CRKL: variants seen among roughly 807,000 people sequenced by gnomAD.
CRKL encodes CRK like proto-oncogene, adaptor protein, also known as crk-like protein.
In CRKL, 3 loss-of-function variants were observed where a neutral mutation model predicts 23.0. That is an observed-to-expected ratio of 0.13 (90% CI 0.06 to 0.34). The LOEUF is 0.34. Among genes scored for constraint, CRKL ranks in the 10% least tolerant of loss-of-function variants. The pLI, the probability that CRKL is intolerant of heterozygous loss-of-function variation, is 1.00. For synonymous variants in CRKL, 188 were observed against 160.7 expected, an observed-to-expected ratio of 1.17 and a Z score of -1.28; for missense variants, 256 against 394.5, an observed-to-expected ratio of 0.65 and a Z score of 2.97.
intron 1 of CRKL, among the ~76,000 whole-genome samples, chr22:20,929,579 T>C (rs1489183494): frequency 6.6e-6 from 1 of 152,188 alleles, no homozygotes; most frequent in Non-Finnish European, 1.5e-5. Flanking sequence ...TTCTCTTGCC[T>C]CAGCCTCCCA....
intron 2 of CRKL, among the ~76,000 whole-genome samples, chr22:20,938,747 A>G (rs959428121): frequency 1.6e-4 from 25 of 152,172 alleles, no homozygotes; most frequent in Non-Finnish European, 8.8e-5. Context: ...AGAAATAGCA[A>G]CTTTAGAATT....
chr22:20,947,808 C>T (rs906371595), intron 2 of CRKL, among the ~76,000 whole-genome samples: 2 of 149,942 alleles, frequency 1.3e-5, no homozygotes, highest in Admixed American at 1.3e-4. Flanking sequence ...GCACCTCATT[C>T]TCCCAAGTAG....
At chr22:20,927,047 G>A (rs1921229748) in intron 1 of CRKL, among the ~76,000 whole-genome samples, 1 of 127,116 alleles carries the variant, frequency 7.9e-6, no homozygotes, top group African/African-American at 3.0e-5. Flanking sequence ...GGGAGGCAGA[G>A]ATTGCAGTGA....
rs2147904957 is a variant in CRKL at position 20,933,934 on chromosome 22, C to G, written c.467C>G (p.Pro156Arg). 6.2e-7 allele frequency: 1 copy of G among 1,614,130 alleles called. No homozygotes were observed. Among genetic ancestry groups the G allele is most frequent in the Non-Finnish European group, 8.5e-7 (1 of 1,180,028 alleles). The change falls in exon 2 of 3, where the codon CCT becomes CGT. Residue 156 changes from proline to arginine, a missense_variant. Transcript: ENST00000354336. ...GAGATCCTAGTGATAATAGAGAAGCCTGAAGAACAGTGGTGGAGTGCCCGG... is the reference window on the plus strand; with the variant it reads ...GAGATCCTAGTGATAATAGAGAAGCGTGAAGAACAGTGGTGGAGTGCCCGG... The part of the protein sequence containing the change: ...KGEILVIIEK[P>R]EEQWWSARNK...
chr22:20,926,142 G>A (rs930553901), intron 1 of CRKL, among the ~76,000 whole-genome samples: 4 of 152,130 alleles, frequency 2.6e-5, no homozygotes, highest in African/African-American at 9.7e-5. Context: ...AGTGCTTGCT[G>A]GTAAAGACAC....
Position 20,949,854 on chromosome 22 carries a change from G to T in CRKL, c.*9G>T, listed in dbSNP as rs1035280926. 1 of 1,601,552 alleles carries T rather than the reference G, an allele frequency of 6.2e-7. No homozygotes were observed. Among genetic ancestry groups the T allele is most frequent in the Non-Finnish European group, 8.5e-7 (1 of 1,175,006 alleles). ...CAGATGAAAACGAGTGATTGCTGTT[G>T]CCCTGTTTCCTGCTGCTTTGTTGTT... On this transcript the variant is annotated 3_prime_UTR_variant, in exon 3 of 3. Coordinates refer to ENST00000354336, the MANE Select transcript of CRKL (RefSeq NM_005207.4).
chr22:20,939,446 C>G (rs1921784922), intron 2 of CRKL, among the ~76,000 whole-genome samples: 1 of 151,982 alleles, frequency 6.6e-6, no homozygotes, highest in Middle Eastern at 3.4e-3. Context: ...CGGGGCTTCA[C>G]CGTGTTAGCC....
At position 20,950,275 on chromosome 22, in the gene CRKL, A is replaced by G. The variant is rs1601688175; in HGVS notation, c.*430A>G. 2 of 237,062 alleles carry G rather than the reference A, an allele frequency of 8.4e-6. No individual in the cohort carries two copies. The highest frequency in any genetic ancestry group is 1.2e-4 in the East Asian group (2 of 16,636). The allele number at this position is 237,062 out of a possible 1,614,324, so 14.7% of individuals were successfully genotyped here. ...GCCATCTTGCTTTTCTTTGGACAAC[A>G]GGAAGTGAACCTTAAGGAAGAGAGA... is the stretch of plus-strand genomic sequence containing the variant. On this transcript the variant is annotated 3_prime_UTR_variant, in exon 3 of 3. Transcript: ENST00000354336.
chr22:20,937,222 G>T (rs1301286356), intron 2 of CRKL, among the ~76,000 whole-genome samples: 1 of 152,148 alleles, frequency 6.6e-6, no homozygotes, highest in Non-Finnish European at 1.5e-5. Flanking sequence ...CCTGGTCTAT[G>T]CCTCAGCACC....
intron 2 of CRKL, among the ~76,000 whole-genome samples, chr22:20,943,406 A>AT (rs758194627): frequency 2.6e-5 from 4 of 151,734 alleles, no homozygotes; most frequent in Admixed American, 6.6e-5. Context: ...TACCCCGCTA[A>AT]TTTTTTGTAT....
At chr22:20,927,128 A>AAAAAAAAGAAAAAAAAG (rs1921238619) in intron 1 of CRKL, among the ~76,000 whole-genome samples, 5 of 125,764 alleles carry the variant, frequency 4.0e-5, no homozygotes, top group East Asian at 3.1e-4. Flanking sequence ...AAAAAAAAAA[A>AAAAAAAAGAAAAAAAAG]AAAAAAAAGA....
Position 20,953,374 on chromosome 22 carries a change from C to A in CRKL, c.*3529C>A, listed in dbSNP as rs1355441807. ...CTCTGAGACAGGATCGTTGTCCCTA[C>A]AGGAGGAACAGTGGCCTTGCTTCTT... On this transcript the variant is annotated 3_prime_UTR_variant, in exon 3 of 3. Transcript: ENST00000354336. The A allele has an allele frequency of 4.3e-6, 1 of 231,256 alleles. No individual in the cohort carries two copies. The highest frequency in any genetic ancestry group is 8.6e-6 in the Non-Finnish European group (1 of 116,724). The allele number at this position is 231,256 out of a possible 1,614,324, so 14.3% of individuals were successfully genotyped here.
At chr22:20,933,210 A>T (rs146828780) in intron 1 of CRKL, among the ~76,000 whole-genome samples, 1 of 151,940 alleles carries the variant, frequency 6.6e-6, no homozygotes, top group East Asian at 1.9e-4. Flanking sequence ...CTCTACTAAA[A>T]ATAGAAAAAA....
intron 2 of CRKL, among the ~76,000 whole-genome samples, chr22:20,934,580 G>C (rs1452004960): frequency 6.6e-6 from 1 of 151,822 alleles, no homozygotes; most frequent in African/African-American, 2.4e-5. Context: ...CCTATTCCTT[G>C]TTTGCCCCAA....
intron 1 of CRKL, among the ~76,000 whole-genome samples, chr22:20,921,515 T>TATAGGAGGGACCTGTATA (rs1920993768): frequency 6.6e-6 from 1 of 150,704 alleles, no homozygotes; most frequent in Non-Finnish European, 1.5e-5. Flanking sequence ...AAGATCAATA[T>TATAGGAGGGACCTGTATA]ACAGGAGGGA....
At chr22:20,944,176 G>A (rs1282724488) in intron 2 of CRKL, among the ~76,000 whole-genome samples, 2 of 141,076 alleles carry the variant, frequency 1.4e-5, no homozygotes, top group Non-Finnish European at 3.0e-5. Context: ...CTTTTATGAG[G>A]CAGGGTCTCA....
rs964741331 is a variant in CRKL, at chr22:20,951,844, A to G, written c.*1999A>G. 4 of 222,256 alleles carry G rather than the reference A, an allele frequency of 1.8e-5. No homozygotes were observed. The highest frequency in any genetic ancestry group is 6.7e-5 in the African/African-American group (3 of 44,750). 13.8% of individuals were successfully genotyped at this position (222,256 alleles called of 1,614,324 possible). On this transcript the variant is annotated 3_prime_UTR_variant, in exon 3 of 3. Coordinates refer to ENST00000354336, the MANE Select transcript of CRKL (RefSeq NM_005207.4). ...GGGAAAACTATCGCCATGGCTTCCC[A>G]TCTGTGGTTTTCCTCTAAAAGCCTT...
rs571421077 is a variant in CRKL, at chr22:20,925,414, G to A, written c.311+7169G>A. Reference sequence around the variant, plus strand: ...AGCACTTTGGGAGGTCTGGCAGGTCGGGAGTTCGAGACTGAACCTGGGAGG... The same window carrying A: ...AGCACTTTGGGAGGTCTGGCAGGTCAGGAGTTCGAGACTGAACCTGGGAGG... On this transcript the variant is annotated intron_variant, in intron 1 of 2. Transcript: ENST00000354336. 4.6e-5 allele frequency among the ~76,000 whole-genome samples: 7 copies of A among 151,996 alleles called. No individual in the cohort carries two copies. The South Asian group carries it at 1.5e-3, about 32-fold the overall frequency.
chr22:20,927,963 A>G (rs1249137452), intron 1 of CRKL, among the ~76,000 whole-genome samples: 1 of 151,864 alleles, frequency 6.6e-6, no homozygotes, highest in African/African-American at 2.4e-5. Flanking sequence ...GGAGTTTAAG[A>G]CCAGCCTGGC....
Sources: allele counts gnomAD v4.1 joint callset (sites outside exome capture counted in the v4.1 genomes callset), GRCh38; gene constraint gnomAD v4.1.1; transcripts MANE v1.5; gene names NCBI Gene and HGNC (gene_info 2026-07-23, HGNC 2026-07-21).